The following NMBR variants were observed in gnomAD, a reference collection of about 807,000 sequenced individuals.
The protein encoded by NMBR is neuromedin-B receptor.
NMBR carries 16 observed loss-of-function variants against 20.5 expected under a neutral mutation model. The observed-to-expected ratio is 0.78, with a 90% confidence interval of 0.53 to 1.19. The LOEUF (loss-of-function observed/expected upper bound fraction) is 1.19, where lower values mean the gene tolerates loss of function less well. Among genes scored for constraint, NMBR ranks in the 50% most tolerant of loss-of-function variants. The pLI is 0.00. For missense variants in NMBR, 582 were observed against 499.1 expected, an observed-to-expected ratio of 1.17 and a Z score of -1.58; for synonymous variants, 212 against 196.6, an observed-to-expected ratio of 1.08 and a Z score of -0.65.
intron 1 of NMBR, among the ~76,000 whole-genome samples, chr6:142,107,763 AAAAAG>A (rs1777686274): frequency 6.6e-6 from 1 of 152,186 alleles, no homozygotes; most frequent in Non-Finnish European, 1.5e-5. Context: ...AACTTAGCAG[AAAAAG>A]ACCTCAAAGC....
chr6:142,114,523 C>A (rs1316279152), intron 1 of NMBR, among the ~76,000 whole-genome samples: 1 of 152,050 alleles, frequency 6.6e-6, no homozygotes, highest in East Asian at 1.9e-4. Flanking sequence ...ATATTTATTT[C>A]ATGTCAGCAT....
At chr6:142,087,537 G>T (rs1777221757) in intron 2 of NMBR, among the ~76,000 whole-genome samples, 1 of 152,104 alleles carries the variant, frequency 6.6e-6, no homozygotes, top group Non-Finnish European at 1.5e-5. Flanking sequence ...TGAACTAGTT[G>T]ATGTGCAAAA....
intron 1 of NMBR, among the ~76,000 whole-genome samples, chr6:142,106,142 C>T (rs915498537): frequency 5.3e-5 from 8 of 152,122 alleles, no homozygotes; most frequent in Admixed American, 4.6e-4. Context: ...AGGTTATGAC[C>T]TGTCTGAGTC....
intron 1 of NMBR, among the ~76,000 whole-genome samples, chr6:142,121,444 C>T (rs898906386): frequency 6.6e-6 from 1 of 151,860 alleles, no homozygotes. Context: ...GTTAGCCAAG[C>T]TGTGAATGTA....
At chr6:142,121,955 A>G (rs557746800) in intron 1 of NMBR, among the ~76,000 whole-genome samples, 1 of 152,026 alleles carries the variant, frequency 6.6e-6, no homozygotes, top group Non-Finnish European at 1.5e-5. Context: ...CAGGTGGACC[A>G]TGACTCAAGA....
At chr6:142,089,923 C>T (rs549545384) in intron 1 of NMBR, among the ~76,000 whole-genome samples, 11 of 152,236 alleles carry the variant, frequency 7.2e-5, no homozygotes, top group African/African-American at 2.6e-4. Flanking sequence ...GTATGTTCAG[C>T]TTTACTGGAA....
chr6:142,082,863 T>G (rs1393726992), intron 2 of NMBR, among the ~76,000 whole-genome samples: 1 of 152,216 alleles, frequency 6.6e-6, no homozygotes, highest in Admixed American at 6.5e-5. Flanking sequence ...ATGAGTTTTG[T>G]GCTGTTTTAT....
chr6:142,130,359 G>A (rs1778118120), intron 1 of NMBR, among the ~76,000 whole-genome samples: 10 of 151,714 alleles, frequency 6.6e-5, no homozygotes, highest in Admixed American at 6.6e-4. Context: ...TCTAATGTAA[G>A]AAATGGTCTT....
rs531019717 is a variant in NMBR at position 142,132,480 on chromosome 6, C to T, written c.-664+14564G>A. On this transcript the variant is annotated intron_variant, in intron 1 of 3. Coordinates refer to ENST00000258042, the MANE Select transcript of NMBR (RefSeq NM_002511.4). ...TAATTAGTAGTTCGCTATCTTTTTCCTTAGCCCAGAGATCTAATTACAGAT... is the reference window on the plus strand; with the variant it reads ...TAATTAGTAGTTCGCTATCTTTTTCTTTAGCCCAGAGATCTAATTACAGAT... Among the ~76,000 whole-genome samples, 13 of 152,248 alleles carry T rather than the reference C, an allele frequency of 8.5e-5. No homozygotes were observed. The East Asian group carries it at 1.9e-3, about 23-fold the overall frequency.
intron 1 of NMBR, among the ~76,000 whole-genome samples, chr6:142,142,727 A>G (rs948690906): frequency 3.9e-5 from 6 of 152,116 alleles, no homozygotes; most frequent in African/African-American, 1.4e-4. Context: ...GAATTGCAAA[A>G]TAATAAATCT....
intron 1 of NMBR, among the ~76,000 whole-genome samples, chr6:142,110,652 G>A (rs1181330299): frequency 6.6e-6 from 1 of 152,150 alleles, no homozygotes; most frequent in East Asian, 1.9e-4. Flanking sequence ...TTACCGTGGT[G>A]ACAGTTGTAC....
intron 1 of NMBR, among the ~76,000 whole-genome samples, chr6:142,093,404 T>G (rs571881972): frequency 6.7e-6 from 1 of 149,584 alleles, no homozygotes; most frequent in Admixed American, 6.7e-5. Flanking sequence ...CATGCAGTGT[T>G]TGGTTTTTTG....
chr6:142,080,829 G>C (rs907259242), intron 2 of NMBR, among the ~76,000 whole-genome samples: 15 of 152,070 alleles, frequency 9.9e-5, no homozygotes, highest in Non-Finnish European at 2.1e-4. Flanking sequence ...AAAAGATCAA[G>C]CCTTCTTTTT....
At chr6:142,112,042 T>C (rs755363137) in intron 1 of NMBR, among the ~76,000 whole-genome samples, 4 of 152,168 alleles carry the variant, frequency 2.6e-5, no homozygotes, top group Non-Finnish European at 4.4e-5. Flanking sequence ...AAATAGTAAT[T>C]TTCTGGCTGG....
intron 1 of NMBR, among the ~76,000 whole-genome samples, chr6:142,116,203 T>C (rs1777852060): frequency 6.6e-6 from 1 of 151,966 alleles, no homozygotes; most frequent in Non-Finnish European, 1.5e-5. Flanking sequence ...CTTGGGTATG[T>C]CTTTATCAGC....
intron 1 of NMBR, among the ~76,000 whole-genome samples, chr6:142,130,244 AGAG>A (rs1237359454): frequency 3.4e-4 from 52 of 152,240 alleles, no homozygotes; most frequent in African/African-American, 1.2e-3. Context: ...AAAGAGACCT[AGAG>A]ATGAGTTTGC....
chr6:142,126,954 TG>T (rs1347130688), intron 1 of NMBR, among the ~76,000 whole-genome samples: 2 of 151,620 alleles, frequency 1.3e-5, no homozygotes, highest in Admixed American at 1.3e-4. Context: ...GTGTGGTTTT[TG>T]TTTTGTTTTA....
Position 142,088,828 on chromosome 6 carries a change from A to G in NMBR, c.-170T>C, listed in dbSNP as rs1777259682. The stretch of plus-strand genomic sequence containing the variant: ...GTCCCTAAGAGTTCAGGACCTGGGG[A>G]GGGGTCTGTCCACACACTCGGGCGC... On this transcript the variant is annotated 5_prime_UTR_variant, in exon 2 of 4. Transcript: ENST00000258042. The G allele has an allele frequency of 1.6e-6, 1 of 607,704 alleles. No homozygotes were observed. Among genetic ancestry groups the G allele is most frequent in the Non-Finnish European group, 2.9e-6 (1 of 349,838 alleles). 37.6% of individuals were successfully genotyped at this position (607,704 alleles called of 1,614,324 possible).
At chr6:142,128,098 T>A (rs1412391033) in intron 1 of NMBR, among the ~76,000 whole-genome samples, 1 of 152,050 alleles carries the variant, frequency 6.6e-6, no homozygotes, top group Admixed American at 6.6e-5. Context: ...GTTGCTCTTG[T>A]GACAGTGAGT....
Sources: allele counts gnomAD v4.1 joint callset (sites outside exome capture counted in the v4.1 genomes callset), GRCh38; gene constraint gnomAD v4.1.1; transcripts MANE v1.5; gene names NCBI Gene and HGNC (gene_info 2026-07-23, HGNC 2026-07-21).